Variants in DHCR7 observed in about 807,000 individuals in gnomAD.
The protein encoded by DHCR7 is 7-dehydrocholesterol reductase, also known as 7-DHC reductase.
A neutral mutation model predicts 43.3 loss-of-function variants in DHCR7; 40 were observed. The observed-to-expected ratio is 0.92, with a 90% CI of 0.72 to 1.20. DHCR7 has a LOEUF of 1.20. Among genes scored for constraint, DHCR7 ranks in the 50% most tolerant of loss-of-function variants. DHCR7 has a pLI of 0.00. For synonymous variants in DHCR7, 298 were observed against 271.4 expected, an observed-to-expected ratio of 1.10 and a Z score of -0.96; for missense variants, 608 against 644.6, an observed-to-expected ratio of 0.94 and a Z score of 0.62.
At chr11:71,442,798 A>G (rs1949362840) in intron 4 of DHCR7, among the ~76,000 whole-genome samples, 2 of 152,200 alleles carry the variant, frequency 1.3e-5, no homozygotes, top group South Asian at 4.1e-4. Flanking sequence ...CTGGGATTAC[A>G]GGTGTGCACC....
downstream of DHCR7, among the ~76,000 whole-genome samples, chr11:71,429,754 G>A (rs866201195): frequency 2.6e-5 from 4 of 152,166 alleles, no homozygotes; most frequent in Non-Finnish European, 4.4e-5. Context: ...TCACCAAGCC[G>A]TGGAGGTGTT....
rs1421641442 is a variant in DHCR7, at chr11:71,441,254, T to G, written c.599A>C (p.Tyr200Ser). 2.5e-6 allele frequency: 4 copies of G among 1,614,162 alleles called. No individual in the cohort carries two copies. The highest frequency in any genetic ancestry group is 3.4e-6 in the Non-Finnish European group (4 of 1,180,022). The change falls in exon 6 of 9, where the codon TAC becomes TCC. Residue 200 changes from tyrosine (Y) to serine (S), a missense_variant. Coordinates refer to ENST00000355527, the MANE Select transcript of DHCR7 (RefSeq NM_001360.3). ...GTCTCTGGCGCTGGTGGGGAAGAAG[T>G]AGCCCTTGACCATGGCGAAGGTGGA... ...AVSTFAMVKG[Y>S]FFPTSARDCK... is the part of the protein sequence containing the mutation.
At chr11:71,431,019 G>T (rs1016629638), downstream of DHCR7, among the ~76,000 whole-genome samples, 1 of 152,162 alleles carries the variant, frequency 6.6e-6, no homozygotes, top group Admixed American at 6.5e-5. Context: ...GCCGGGTATG[G>T]TGGTGCATGC....
At chr11:71,436,012 C>G in intron 8 of DHCR7, 173 bp from the exon 9 acceptor site, 1 of 640,810 alleles carries the variant, frequency 1.6e-6, no homozygotes, top group Non-Finnish European at 2.8e-6. Context: ...CTGTTGTGGT[C>G]ATTAAATGAG....
intron 2 of DHCR7, 78 bp from the exon 3 acceptor site, chr11:71,445,036 C>A (rs1949392012): frequency 3.1e-6 from 4 of 1,290,692 alleles, no homozygotes; most frequent in Non-Finnish European, 4.5e-6. Flanking sequence ...CACCACTGCT[C>A]CTGGGCCTGG....
At chr11:71,448,192 A>C (rs1160110431) in intron 1 of DHCR7, 98 bp downstream of exon 1, 5 of 113,376 alleles carry the variant, frequency 4.4e-5, no homozygotes, top group Non-Finnish European at 5.5e-5. Context: ...CCCTGACCCC[A>C]CCCTCGCCCT....
intron 4 of DHCR7, among the ~76,000 whole-genome samples, chr11:71,443,107 G>A (rs1303360448): frequency 1.3e-5 from 2 of 152,192 alleles, no homozygotes; most frequent in African/African-American, 2.4e-5. Context: ...AGGGTCATCC[G>A]CCTACTGGCA....
chr11:71,432,081 C>G (rs572172876), downstream of DHCR7, among the ~76,000 whole-genome samples: 5 of 152,374 alleles, frequency 3.3e-5, no homozygotes, highest in South Asian at 1.0e-3. Context: ...CCACATTGGC[C>G]TCCCAAAGTG....
Position 71,434,972 on chromosome 11 carries a change from T to G in DHCR7, c.*403A>C, listed in dbSNP as rs550781403. ...ATAACGCGCACGCCCCACTCCCACT[T>G]TTATTTAGCAAGAGTAAATGCAGCC... On this transcript the variant is annotated 3_prime_UTR_variant, in exon 9 of 9. Coordinates refer to ENST00000355527, the MANE Select transcript of DHCR7 (RefSeq NM_001360.3). The G allele has an allele frequency of 5.1e-6, 2 of 393,756 alleles. No individual in the cohort carries two copies. Among genetic ancestry groups the G allele is most frequent in the Non-Finnish European group, 1.0e-5 (2 of 199,702 alleles). 24.4% of individuals were successfully genotyped at this position (393,756 alleles called of 1,614,324 possible).
Position 71,447,673 on chromosome 11 carries a change from TA to T in DHCR7, c.-71del, listed in dbSNP as rs1411068004. 2.0e-5 allele frequency: 3 copies of T among 152,232 alleles called. No individual in the cohort carries two copies. The highest frequency in any genetic ancestry group is 2.9e-5 in the Non-Finnish European group (2 of 68,068). 9.4% of individuals were successfully genotyped at this position (152,232 alleles called of 1,614,324 possible). A position where few individuals can be genotyped will look rare whatever the true frequency, so the allele number is the denominator to read the frequency against. ...ACTTTTCCTTCTTGAACCGGCCCCT[TA>T]AAAGTTTCTAGACACCTGTGCTCCA... On this transcript the variant is annotated 5_prime_UTR_variant, in exon 2 of 9. Transcript: ENST00000355527.
At chr11:71,438,854 C>T (rs1949317306) in intron 7 of DHCR7, 25 bp downstream of exon 7, 1 of 1,612,118 alleles carries the variant, frequency 6.2e-7, no homozygotes, top group South Asian at 1.1e-5. Context: ...ATCGGCGTTT[C>T]ACCCTCTCCA....
chr11:71,429,041 G>T (rs1949214953), intron 2 of DHCR7, among the ~76,000 whole-genome samples: 1 of 152,238 alleles, frequency 6.6e-6, no homozygotes, highest in Non-Finnish European at 1.5e-5. Context: ...TCCAGAATTG[G>T]CACTTCCATT....
rs561610451 is a variant in DHCR7 at position 71,438,821 on chromosome 11, G to A, written c.831+58C>T. ...GTCATGGGAATACGCTCTGGCTTGC[G>A]GGTTCCCCCAGAGCCTGCCGGCATC... On this transcript the variant is annotated intron_variant, in intron 7 of 8. Transcript: ENST00000355527. 21 of 1,564,256 alleles carry A rather than the reference G, an allele frequency of 1.3e-5. 1 individual carries two copies. In the African/African-American group the frequency reaches 1.6e-4, roughly 12 times the overall value.
intron 2 of DHCR7, 88 bp from the exon 3 acceptor site, chr11:71,445,046 G>C: frequency 8.7e-7 from 1 of 1,143,276 alleles, no homozygotes. Flanking sequence ...CCTGGGCCTG[G>C]CAGGGCTGGC....
downstream of DHCR7, among the ~76,000 whole-genome samples, chr11:71,431,079 C>T (rs955296751): frequency 6.6e-6 from 1 of 152,126 alleles, no homozygotes; most frequent in Non-Finnish European, 1.5e-5. Context: ...GGCTTGAACC[C>T]GGGAGGCGGA....
At chr11:71,447,450 G>A (rs1949416787) in intron 2 of DHCR7, among the ~76,000 whole-genome samples, 160 bp downstream of exon 2, 1 of 152,184 alleles carries the variant, frequency 6.6e-6, no homozygotes, top group African/African-American at 2.4e-5. Flanking sequence ...TAGACGGCTG[G>A]GAACAGACAA....
chr11:71,440,729 G>A (rs1949339939), intron 6 of DHCR7, among the ~76,000 whole-genome samples: 2 of 150,774 alleles, frequency 1.3e-5, no homozygotes, highest in Non-Finnish European at 3.0e-5. Flanking sequence ...GGGGGTGGAT[G>A]GGTGGGTGGG....
downstream of DHCR7, among the ~76,000 whole-genome samples, chr11:71,430,827 G>A (rs1369743491): frequency 6.6e-6 from 1 of 152,212 alleles, no homozygotes; most frequent in Non-Finnish European, 1.5e-5. Flanking sequence ...AGGATGGGGA[G>A]TGCATGCTGA....
chr11:71,431,095 C>A (rs957351896), downstream of DHCR7, among the ~76,000 whole-genome samples: 10 of 152,202 alleles, frequency 6.6e-5, no homozygotes, highest in African/African-American at 2.2e-4. Context: ...GCGGAGGTTG[C>A]AGTGAGCAGA....
Sources: allele counts gnomAD v4.1 joint callset (sites outside exome capture counted in the v4.1 genomes callset), GRCh38; gene constraint gnomAD v4.1.1; transcripts MANE v1.5; gene names NCBI Gene and HGNC (gene_info 2026-07-23, HGNC 2026-07-21).